The following FN1 variants were observed in gnomAD, a reference collection of about 807,000 sequenced individuals.
FN1 encodes the protein fibronectin.
A neutral mutation model predicts 297.3 loss-of-function variants in FN1; 106 were observed. The ratio of observed to expected loss-of-function variants is 0.36; its 90% CI spans 0.30 to 0.42. The LOEUF is 0.42. Ranked by LOEUF, FN1 falls within the 10% of genes least tolerant of loss-of-function variation. The probability of loss-of-function intolerance (pLI) is 1.00; values close to 1 mark genes in which losing one functional copy is unlikely to be tolerated. For synonymous variants in FN1, 1,149 were observed against 1,152.6 expected (o/e 1.00, Z 0.06); for missense variants, 2,690 against 3,124.9 (o/e 0.86, Z 3.32).
In FN1 at chr2:215,435,942, GGGAA is replaced by G; in HGVS notation, c.-144_-141del. On this transcript the variant is annotated 5_prime_UTR_variant, in exon 1 of 46. Transcript: ENST00000354785. The stretch of plus-strand genomic sequence containing the variant: ...CCAAGAAGGTGGGGGCCAGAGGGTG[GGGAA>G]GGGGACGGGTGGAGGGACAGAAGGG... 6.9e-7 allele frequency: 1 copy of G among 1,440,618 alleles called. No homozygotes were observed. The highest frequency in any genetic ancestry group is 9.1e-7 in the Non-Finnish European group (1 of 1,098,676). The allele number at this position is 1,440,618 out of a possible 1,614,324, so 89.2% of individuals were successfully genotyped here. A position where few individuals can be genotyped will look rare whatever the true frequency, so the allele number is the denominator to read the frequency against.
intron 27 of FN1, 106 bp downstream of exon 27, chr2:215,388,106 C>T: frequency 1.2e-6 from 1 of 835,932 alleles, no homozygotes; most frequent in East Asian, 2.5e-5. Context: ...GTACACACAC[C>T]ATGACAACAA....
chr2:215,418,486 T>C (rs2063742151), intron 12 of FN1, among the ~76,000 whole-genome samples: 1 of 152,240 alleles, frequency 6.6e-6, no homozygotes, highest in Admixed American at 6.5e-5. Flanking sequence ...CAGTCAAACG[T>C]TAGTGAAGAC....
intron 11 of FN1, among the ~76,000 whole-genome samples, chr2:215,420,367 A>AC (rs2064099317): frequency 1.5e-5 from 2 of 134,030 alleles, no homozygotes; most frequent in East Asian, 1.2e-3. Flanking sequence ...ACAAAAACAA[A>AC]CAAAAAAAAA....
intron 32 of FN1, 142 bp downstream of exon 32, chr2:215,382,070 C>T (rs1363695050): frequency 2.2e-5 from 15 of 669,462 alleles, no homozygotes; most frequent in Non-Finnish European, 3.8e-5. Flanking sequence ...AAAAGATGTT[C>T]GTAAAGGGCT....
chr2:215,425,268 C>T lies in FN1; in HGVS notation c.862G>A (p.Asp288Asn), dbSNP rs200731330. 2.2e-4 allele frequency: 361 copies of T among 1,613,882 alleles called. No individual in the cohort carries two copies. Among genetic ancestry groups the T allele is most frequent in the Non-Finnish European group, 2.9e-4 (346 of 1,180,010 alleles). ...GGTTGGTAAACAGCTGCACGAACAT[C>T]GGTGAAGGGGCCAGATCCTAATGGC... ...TTSSGSGPFT[D>N]VRAAVYQPQP... Residue 288 changes from aspartate (D) to asparagine (N), a missense_variant, in exon 7 of 46, where the codon GAT (aspartate) becomes AAT (asparagine). Coordinates refer to ENST00000354785, the MANE Select transcript of FN1 (RefSeq NM_212482.4).
intron 18 of FN1, 104 bp from the exon 19 acceptor site, chr2:215,406,614 G>T: frequency 8.1e-7 from 1 of 1,240,388 alleles, no homozygotes; most frequent in Non-Finnish European, 1.1e-6. Flanking sequence ...CCTCTCATTC[G>T]AGAGTTTTGC....
At chr2:215,380,471 C>A in intron 33 of FN1, 1 of 313,532 alleles carries the variant, frequency 3.2e-6, no homozygotes, top group Non-Finnish European at 6.0e-6. Flanking sequence ...TATAAGTAAG[C>A]TCTGTAATGC....
chr2:215,412,741 A>G (rs2062835650), intron 13 of FN1, among the ~76,000 whole-genome samples: 1 of 136,254 alleles, frequency 7.3e-6, no homozygotes, highest in Non-Finnish European at 1.6e-5. Context: ...TTTGTAATTT[A>G]AAGTATTATA....
chr2:215,415,062 T>C (rs1362950360), intron 12 of FN1, 104 bp from the exon 13 acceptor site: 2 of 813,508 alleles, frequency 2.5e-6, no homozygotes, highest in Admixed American at 2.0e-5. Flanking sequence ...TGCTTGTCGT[T>C]AAATGTGAGT....
chr2:215,428,816 C>G (rs1157582697), intron 5 of FN1, among the ~76,000 whole-genome samples: 1 of 152,088 alleles, frequency 6.6e-6, no homozygotes, highest in African/African-American at 2.4e-5. Context: ...TCAAGACCAG[C>G]CTGGGCAACA....
rs747569542 is a variant in FN1, at chr2:215,382,255, A to T, written c.5121T>A (p.Asn1707Lys). 2.3e-5 allele frequency: 37 copies of T among 1,614,006 alleles called. No individual in the cohort carries two copies. The highest frequency in any genetic ancestry group is 3.1e-5 in the Non-Finnish European group (37 of 1,179,858). The change falls in exon 32 of 46, where the codon AAT becomes AAA. Residue 1707 changes from asparagine to lysine, a missense_variant. Physicochemically the swap from Asn to Lys is moderately conservative, Grantham distance 94. Coordinates refer to ENST00000354785, the MANE Select transcript of FN1 (RefSeq NM_212482.4). ...VEYVVSVYAQ[N>K]PSGESQPLVQ... ...CCAGAGGCTGACTCTCTCCGCTTGGATTCTGAGCATAGACACTAACCACAT... is the reference window on the plus strand; with the variant it reads ...CCAGAGGCTGACTCTCTCCGCTTGGTTTCTGAGCATAGACACTAACCACAT...
intron 6 of FN1, among the ~76,000 whole-genome samples, chr2:215,426,127 TGATCTTTTC>T (rs2065305099): frequency 6.8e-6 from 1 of 148,010 alleles, no homozygotes; most frequent in Non-Finnish European, 1.5e-5. Flanking sequence ...CAGGATGTGT[TGATCTTTTC>T]TTTTTTCTTT....
At chr2:215,414,599 C>A (rs2063164660) in intron 13 of FN1, 2 of 949,844 alleles carry the variant, frequency 2.1e-6, no homozygotes, top group Non-Finnish European at 2.9e-6. Context: ...GAGCTAAATT[C>A]TTCCAAATAC....
intron 39 of FN1, 60 bp downstream of exon 39, chr2:215,373,262 T>G: frequency 7.6e-7 from 1 of 1,312,584 alleles, no homozygotes; most frequent in Non-Finnish European, 1.1e-6. Flanking sequence ...ATTGCAAGAT[T>G]GCTCATTTGT....
At chr2:215,374,353 T>TA (rs2056862459) in intron 38 of FN1, among the ~76,000 whole-genome samples, 1 of 152,254 alleles carries the variant, frequency 6.6e-6, no homozygotes, top group Non-Finnish European at 1.5e-5. Flanking sequence ...TACAGACTGA[T>TA]ATGGTTTGGC....
At chr2:215,385,376 A>G (rs1216028946) in intron 28 of FN1, among the ~76,000 whole-genome samples, 3 of 151,958 alleles carry the variant, frequency 2.0e-5, no homozygotes, top group African/African-American at 7.2e-5. Flanking sequence ...AGCCTGGCCA[A>G]CATGGTAAAA....
intron 20 of FN1, among the ~76,000 whole-genome samples, chr2:215,401,246 GAAAGGAA>G: frequency 1.6e-5 from 1 of 63,476 alleles, no homozygotes; most frequent in East Asian, 2.6e-4. Flanking sequence ...AAGAAAGAAA[GAAAGGAA>G]GAAAGAAAGG....
chr2:215,384,837 A>G, intron 29 of FN1, 23 bp downstream of exon 29: 3 of 1,440,098 alleles, frequency 2.1e-6, no homozygotes, highest in Non-Finnish European at 2.9e-6. Flanking sequence ...ATCAGAGTGT[A>G]AAATAGCATT....
intron 11 of FN1, 88 bp downstream of exon 11, chr2:215,420,585 G>A: frequency 6.5e-7 from 1 of 1,538,738 alleles, no homozygotes; most frequent in African/African-American, 1.4e-5. Context: ...GCCAACTTCA[G>A]TCATGTGATT....
Sources: allele counts gnomAD v4.1 joint callset (sites outside exome capture counted in the v4.1 genomes callset), GRCh38; gene constraint gnomAD v4.1.1; transcripts MANE v1.5; gene names NCBI Gene and HGNC (gene_info 2026-07-23, HGNC 2026-07-21).